Variants in PPM1L observed in about 807,000 individuals in gnomAD.
The protein encoded by PPM1L is protein phosphatase 1L.
PPM1L carries 13 observed loss-of-function variants against 31.4 expected under a neutral mutation model. That is an observed-to-expected ratio of 0.41 (90% CI 0.27 to 0.66). The LOEUF is 0.66. PPM1L is among the 30% of genes least tolerant of loss of function. PPM1L has a pLI of 0.29. For missense variants in PPM1L, 326 were observed against 453.7 expected (o/e 0.72, Z 2.56); for synonymous variants, 184 against 175.4 (o/e 1.05, Z -0.39).
chr3:160,921,687 A>T (rs984222829), intron 1 of PPM1L, among the ~76,000 whole-genome samples: 1 of 152,180 alleles, frequency 6.6e-6, no homozygotes, highest in Non-Finnish European at 1.5e-5. Flanking sequence ...AAATTTTCTC[A>T]AATGTTCCAA....
intron 1 of PPM1L, among the ~76,000 whole-genome samples, chr3:160,918,148 T>C (rs1012027385): frequency 6.6e-6 from 1 of 152,224 alleles, no homozygotes; most frequent in Non-Finnish European, 1.5e-5. Context: ...TATAATATCA[T>C]GGCACTAACA....
At chr3:160,835,568 G>A (rs186451686) in intron 1 of PPM1L, among the ~76,000 whole-genome samples, 3 of 151,860 alleles carry the variant, frequency 2.0e-5, no homozygotes, top group East Asian at 1.9e-4. Flanking sequence ...ACCATCATCC[G>A]TGCATTTTTA....
chr3:160,832,822 TA>T, intron 1 of PPM1L, among the ~76,000 whole-genome samples: 1 of 152,290 alleles, frequency 6.6e-6, no homozygotes, highest in South Asian at 2.1e-4. Context: ...GTTACATATG[TA>T]AATGTGTGTC....
chr3:160,874,953 C>T (rs1712455141), intron 1 of PPM1L, among the ~76,000 whole-genome samples: 2 of 152,224 alleles, frequency 1.3e-5, no homozygotes, highest in Non-Finnish European at 2.9e-5. Flanking sequence ...CCCATGACTT[C>T]TCAGCCCCAG....
intron 1 of PPM1L, among the ~76,000 whole-genome samples, chr3:160,956,933 C>A (rs577219214): frequency 2.6e-4 from 39 of 152,262 alleles, no homozygotes; most frequent in African/African-American, 8.9e-4. Context: ...AGCATTGAAC[C>A]AGATGTGGGG....
At chr3:161,028,440 A>G (rs1718469898) in intron 2 of PPM1L, among the ~76,000 whole-genome samples, 1 of 152,156 alleles carries the variant, frequency 6.6e-6, no homozygotes, top group Non-Finnish European at 1.5e-5. Flanking sequence ...TTAGGCAAGT[A>G]TGGCAGGAGA....
chr3:160,898,032 G>T (rs1373787522), intron 1 of PPM1L, among the ~76,000 whole-genome samples: 1 of 151,972 alleles, frequency 6.6e-6, no homozygotes, highest in Non-Finnish European at 1.5e-5. Context: ...CTAAATGAAA[G>T]ATTTTTAACT....
intron 1 of PPM1L, among the ~76,000 whole-genome samples, chr3:160,912,696 C>G (rs190991484): frequency 6.6e-6 from 1 of 152,002 alleles, no homozygotes; most frequent in African/African-American, 2.4e-5. Flanking sequence ...GATGAAGAAG[C>G]GATAATTATA....
In PPM1L at chr3:161,074,459, C is replaced by T. The variant is rs183306503; in HGVS notation, c.*5302C>T. The T allele has an allele frequency of 6.6e-6, 1 of 152,102 alleles. No individual in the cohort carries two copies. The highest frequency in any genetic ancestry group is 2.4e-5 in the African/African-American group (1 of 41,424). The allele number at this position is 152,102 out of a possible 1,614,324, so 9.4% of individuals were successfully genotyped here. On this transcript the variant is annotated 3_prime_UTR_variant, in exon 4 of 4. Coordinates refer to ENST00000498165, the MANE Select transcript of PPM1L (RefSeq NM_139245.4). The stretch of plus-strand genomic sequence containing the variant: ...AAAGTCATTAACTTAAAATTACATC[C>T]AATATTTAGGAATAGCTCATCCTCT...
rs78465824 is a variant in PPM1L at position 160,773,008 on chromosome 3, C to A, written c.399+16301C>A. 5.2e-3 allele frequency among the ~76,000 whole-genome samples: 798 copies of A among 152,206 alleles called. 8 individuals are homozygous for A. The highest frequency in any genetic ancestry group is 0.018 in the African/African-American group (760 of 41,534). ...AGTTGTTTGAGTTTTTGGCTATGAA[C>A]CTTCATGTACAAGCCTTTGTATGGA... On this transcript the variant is annotated intron_variant, in intron 1 of 3. Coordinates refer to ENST00000498165, the MANE Select transcript of PPM1L (RefSeq NM_139245.4).
chr3:160,756,589 C>G lies in PPM1L; in HGVS notation c.281C>G (p.Ala94Gly), dbSNP rs751567609. The change falls in exon 1 of 4, where the codon GCG (alanine) becomes GGG (glycine). Residue 94 changes from alanine to glycine, a missense_variant. By Grantham distance (60) the Ala-to-Gly change is moderately conservative. Coordinates refer to ENST00000498165, the MANE Select transcript of PPM1L (RefSeq NM_139245.4). This position sits in a 1 kb window ranked among gnomAD's most constrained non-coding sequence, Gnocchi z 6.2. ...KTWEFKNHNV[A>G]VYSIQGRRDH... Reference sequence around the variant, plus strand: ...TGGGAGTTCAAGAACCACAACGTGGCGGTGTACTCCATCCAGGGCCGGAGA... The same window carrying G: ...TGGGAGTTCAAGAACCACAACGTGGGGGTGTACTCCATCCAGGGCCGGAGA... 3 of 1,614,140 alleles carry G rather than the reference C, an allele frequency of 1.9e-6. No individual in the cohort carries two copies. The highest frequency in any genetic ancestry group is 2.5e-6 in the Non-Finnish European group (3 of 1,180,026).
chr3:160,994,972 C>G (rs1717260582), intron 2 of PPM1L, among the ~76,000 whole-genome samples: 1 of 152,094 alleles, frequency 6.6e-6, no homozygotes. Context: ...TGAGGTGGGA[C>G]AAGGCAGAGG....
intron 1 of PPM1L, among the ~76,000 whole-genome samples, chr3:160,767,516 T>C (rs113853531): frequency 0.017 from 2,522 of 152,280 alleles, 66 homozygotes; most frequent in African/African-American, 0.057. Context: ...ATTACAGGTG[T>C]GAGCCACTGC....
intron 1 of PPM1L, among the ~76,000 whole-genome samples, chr3:160,944,831 C>CTT (rs540264750): frequency 4.8e-5 from 1 of 20,746 alleles, no homozygotes; most frequent in Admixed American, 6.5e-4. Context: ...TTATATATAA[C>CTT]ATATATATGT....
intron 1 of PPM1L, among the ~76,000 whole-genome samples, chr3:160,931,224 A>C (rs1464653436): frequency 6.6e-6 from 1 of 152,190 alleles, no homozygotes; most frequent in Admixed American, 6.5e-5. Flanking sequence ...CCACATACTC[A>C]GTGTAGGTTT....
rs1292987241 is a variant in PPM1L at position 161,076,950 on chromosome 3, G to GTGTT, written c.*7797_*7800dup. On this transcript the variant is annotated 3_prime_UTR_variant, in exon 4 of 4. Transcript: ENST00000498165. The stretch of plus-strand genomic sequence containing the variant: ...TTGGGAAAGTCACTATTATTGCTGT[G>GTGTT]TGTTTGTATATTTTATTCTTTCCTT... 1 of 152,150 alleles carries GTGTT rather than the reference G, an allele frequency of 6.6e-6. No homozygotes were observed. The highest frequency in any genetic ancestry group is 2.4e-5 in the African/African-American group (1 of 41,434). The allele number at this position is 152,150 out of a possible 1,614,324, so 9.4% of individuals were successfully genotyped here.
chr3:160,793,905 C>T (rs1321233808), intron 1 of PPM1L, among the ~76,000 whole-genome samples: 1 of 152,192 alleles, frequency 6.6e-6, no homozygotes, highest in Admixed American at 6.5e-5. Context: ...TTGGTTGATA[C>T]AGCTGAGCCT....
intron 2 of PPM1L, among the ~76,000 whole-genome samples, chr3:160,973,764 G>GATTTTTTTTTTTTT (rs1716435982): frequency 1.1e-5 from 1 of 88,450 alleles, no homozygotes; most frequent in South Asian, 3.6e-4. Flanking sequence ...GAAAGGCCCT[G>GATTTTTTTTTTTTT]TTTTTTTTTT....
At chr3:161,018,089 G>A (rs1718135413) in intron 2 of PPM1L, among the ~76,000 whole-genome samples, 1 of 152,102 alleles carries the variant, frequency 6.6e-6, no homozygotes, top group African/African-American at 2.4e-5. Context: ...ATTTAATTCA[G>A]CTGTCAATCT....
Sources: allele counts gnomAD v4.1 joint callset (sites outside exome capture counted in the v4.1 genomes callset), GRCh38; gene constraint gnomAD v4.1.1; non-coding constraint Gnocchi (gnomAD v3.1); transcripts MANE v1.5; gene names NCBI Gene and HGNC (gene_info 2026-07-23, HGNC 2026-07-21).